The following STAT3 variants were observed in gnomAD, a reference collection of about 807,000 sequenced individuals.
The protein encoded by STAT3 is DNA-binding protein APRF.
In STAT3, 7 loss-of-function variants were observed where a neutral mutation model predicts 114.3. That is an observed-to-expected ratio of 0.06 (90% CI 0.03 to 0.11). The LOEUF (loss-of-function observed/expected upper bound fraction) is 0.11. STAT3 is among the 10% of genes least tolerant of loss of function. The pLI is 1.00. For missense variants in STAT3, 364 were observed against 960.9 expected, an observed-to-expected ratio of 0.38 and a Z score of 8.21; for synonymous variants, 331 against 354.5, an observed-to-expected ratio of 0.93 and a Z score of 0.74.
intron 21 of STAT3, chr17:42,317,697 T>C (rs2081305818): frequency 4.9e-6 from 1 of 203,396 alleles, no homozygotes; most frequent in African/African-American, 2.3e-5. Context: ...ACATGGAGAC[T>C]GCTAATGCTT....
chr17:42,376,149 T>C (rs1332236779), intron 1 of STAT3, among the ~76,000 whole-genome samples: 1 of 24,184 alleles, frequency 4.1e-5, no homozygotes, highest in Non-Finnish European at 3.1e-4. Context: ...AGACTCCGTC[T>C]CAAAAAAAAA....
chr17:42,345,391 G>A, intron 4 of STAT3, 168 bp downstream of exon 4: 3 of 640,632 alleles, frequency 4.7e-6, no homozygotes, highest in East Asian at 2.8e-5. Flanking sequence ...GTATTTTGGG[G>A]GGTGGAACTT....
At chr17:42,326,802 A>G (rs1027338827) in intron 14 of STAT3, among the ~76,000 whole-genome samples, 1 of 152,178 alleles carries the variant, frequency 6.6e-6, no homozygotes, top group African/African-American at 2.4e-5. Flanking sequence ...CCTGGGTGAC[A>G]GAGTGAGACT....
chr17:42,345,381 G>C (rs2082649942), intron 4 of STAT3, 178 bp downstream of exon 4: 1 of 586,904 alleles, frequency 1.7e-6, no homozygotes, highest in African/African-American at 1.9e-5. Flanking sequence ...GTTTTTCAAT[G>C]TATTTTGGGG....
chr17:42,346,784 C>G (rs2082715816), intron 2 of STAT3, 71 bp from the exon 3 acceptor site: 10 of 1,609,316 alleles, frequency 6.2e-6, no homozygotes, highest in Non-Finnish European at 8.5e-6. Flanking sequence ...AAATCACCAT[C>G]AAGAAAGAGG....
intron 1 of STAT3, among the ~76,000 whole-genome samples, chr17:42,367,990 T>C (rs2083900647): frequency 6.6e-6 from 1 of 152,066 alleles, no homozygotes; most frequent in Admixed American, 6.6e-5. Flanking sequence ...TGCATGCAAA[T>C]GTTAAGTGGT....
chr17:42,368,584 C>A (rs1245869760), intron 1 of STAT3, among the ~76,000 whole-genome samples: 1 of 152,136 alleles, frequency 6.6e-6, no homozygotes, highest in East Asian at 1.9e-4. Context: ...CTCAGCCTCC[C>A]TGGTAGCTGG....
At chr17:42,339,474 AGC>A in intron 4 of STAT3, 65 bp from the exon 5 acceptor site, 1 of 1,520,666 alleles carries the variant, frequency 6.6e-7, no homozygotes, top group Non-Finnish European at 9.1e-7. Context: ...ACCTCTACCC[AGC>A]TTCCATCCCA....
intron 21 of STAT3, among the ~76,000 whole-genome samples, chr17:42,318,121 T>G (rs2081324159): frequency 6.9e-6 from 1 of 144,330 alleles, no homozygotes; most frequent in South Asian, 2.3e-4. Flanking sequence ...CTGGCTAATT[T>G]TTGTCTTTTT....
At chr17:42,318,696 G>A (rs1315124326) in intron 21 of STAT3, among the ~76,000 whole-genome samples, 1 of 152,122 alleles carries the variant, frequency 6.6e-6, no homozygotes, top group Non-Finnish European at 1.5e-5. Context: ...AGAACAGCAC[G>A]GTCATAAAAC....
At chr17:42,331,935 CT>C (rs776956402) in intron 10 of STAT3, among the ~76,000 whole-genome samples, 3,694 of 143,584 alleles carry the variant, frequency 0.026, 138 homozygotes, top group African/African-American at 0.08. Flanking sequence ...CTCTCTTTCT[CT>C]TTTTTTTTTT....
intron 4 of STAT3, among the ~76,000 whole-genome samples, chr17:42,342,339 C>T (rs1463702712): frequency 6.6e-6 from 1 of 152,008 alleles, no homozygotes; most frequent in Non-Finnish European, 1.5e-5. Flanking sequence ...AAAAATTAGC[C>T]CAGTGTGGTG....
At chr17:42,319,353 C>A (rs2081372392) in intron 21 of STAT3, among the ~76,000 whole-genome samples, 1 of 151,638 alleles carries the variant, frequency 6.6e-6, no homozygotes, top group South Asian at 2.1e-4. Flanking sequence ...ACCAGCCTGG[C>A]CAACAGGGTG....
chr17:42,376,768 C>T (rs7224007), intron 1 of STAT3, among the ~76,000 whole-genome samples: 39,719 of 151,380 alleles, frequency 0.26, 5,448 homozygotes, highest in East Asian at 0.39. Context: ...ATGGCATGAA[C>T]CCGGGAGGCT....
At chr17:42,339,519 C>T (rs2082356320) in intron 4 of STAT3, 110 bp from the exon 5 acceptor site, 3 of 1,024,288 alleles carry the variant, frequency 2.9e-6, no homozygotes, top group Admixed American at 1.9e-5. Flanking sequence ...GCTTGAGACG[C>T]TGCTGCCATC....
At position 42,324,645 on chromosome 17, in the gene STAT3, C is replaced by G; in HGVS notation, c.1600+66G>C. On this transcript the variant is annotated intron_variant, in intron 17 of 23. Coordinates refer to ENST00000264657, the MANE Select transcript of STAT3 (RefSeq NM_139276.3). This position sits in a 1 kb window ranked among gnomAD's most constrained non-coding sequence, Gnocchi z 4.5. ...GCTCAGTAGACATGGCCCAAATGAA[C>G]AGCCCTATGGGCCGGATCCCTTTTC... The G allele has an allele frequency of 3.9e-6, 6 of 1,521,146 alleles. No individual in the cohort carries two copies. Among genetic ancestry groups the G allele is most frequent in the Non-Finnish European group, 5.3e-6 (6 of 1,133,094 alleles). 94.2% of individuals were successfully genotyped at this position (1,521,146 alleles called of 1,614,324 possible).
In STAT3 at chr17:42,338,827, C is replaced by T; in HGVS notation, c.469-15G>A. 1 of 1,599,172 alleles carries T rather than the reference C, an allele frequency of 6.3e-7. No homozygotes were observed. The highest frequency in any genetic ancestry group is 8.6e-7 in the Non-Finnish European group (1 of 1,169,492). On this transcript the variant is annotated splice_polypyrimidine_tract_variant and intron_variant, in intron 5 of 23. Coordinates refer to ENST00000264657, the MANE Select transcript of STAT3 (RefSeq NM_139276.3). The stretch of plus-strand genomic sequence containing the variant: ...TGTTCTAGATCCTGTTTAAAATAAG[C>T]AAACAAAAAAACAGAAGTAAAGAAA...
intron 1 of STAT3, 198 bp downstream of exon 1, chr17:42,388,081 C>T (rs940140671): frequency 1.3e-5 from 8 of 609,652 alleles, no homozygotes; most frequent in Non-Finnish European, 1.9e-5. Context: ...TTCCCTCCAG[C>T]GCCCCGAGTC....
intron 1 of STAT3, among the ~76,000 whole-genome samples, chr17:42,369,812 C>A (rs1379637899): frequency 2.0e-5 from 3 of 152,028 alleles, no homozygotes; most frequent in Non-Finnish European, 4.4e-5. Context: ...GTACATGCTG[C>A]CAAACCCAGC....
Sources: gnomAD v4.1 joint callset for allele counts (sites outside exome capture counted in the v4.1 genomes callset) on GRCh38, gnomAD v4.1.1 for gene constraint, Gnocchi (gnomAD v3.1) non-coding constraint, MANE v1.5 for transcripts, NCBI Gene and HGNC (gene_info 2026-07-23, HGNC 2026-07-21) for gene names.